The following DNAAF4 variants were observed in gnomAD, a reference collection of about 807,000 sequenced individuals.
The protein encoded by DNAAF4 is dynein assembly factor 4, axonemal.
Under a neutral mutation model 51.8 loss-of-function variants are expected in DNAAF4, and 43 were observed. The observed-to-expected ratio is 0.83, with a 90% CI of 0.65 to 1.07. DNAAF4 has a LOEUF of 1.07. Among genes scored for constraint, DNAAF4 ranks in the 50% least tolerant of loss-of-function variants. The pLI, the probability that DNAAF4 is intolerant of heterozygous loss-of-function variation, is 0.00. For missense variants in DNAAF4, 581 were observed against 493.0 expected (o/e 1.18, Z -1.69); for synonymous variants, 194 against 165.6 (o/e 1.17, Z -1.32).
chr15:55,486,289 G>T (rs1010337926), intron 4 of DNAAF4, among the ~76,000 whole-genome samples: 1 of 151,502 alleles, frequency 6.6e-6, no homozygotes, highest in Non-Finnish European at 1.5e-5. Flanking sequence ...CGCTTCCTGG[G>T]TTCCAGCCAT....
intron 1 of DNAAF4, among the ~76,000 whole-genome samples, chr15:55,506,821 T>A (rs1302181809): frequency 1.3e-5 from 2 of 152,104 alleles, no homozygotes; most frequent in Non-Finnish European, 2.9e-5. Flanking sequence ...CAAGAAATAA[T>A]GCTATTTTAT....
chr15:55,438,807 A>C (rs996745676), intron 7 of DNAAF4, among the ~76,000 whole-genome samples: 2 of 152,028 alleles, frequency 1.3e-5, no homozygotes, highest in African/African-American at 2.4e-5. Flanking sequence ...AAGAAAAAAA[A>C]TGGATAAGAA....
At chr15:55,439,608 G>T in intron 6 of DNAAF4, 27 bp from the exon 7 acceptor site, 2 of 1,569,904 alleles carry the variant, frequency 1.3e-6, no homozygotes, top group Non-Finnish European at 8.7e-7. Flanking sequence ...GTCTTATGAA[G>T]AATAAAAAGG....
At chr15:55,494,194 T>C (rs2141594419) in intron 3 of DNAAF4, among the ~76,000 whole-genome samples, 1 of 151,968 alleles carries the variant, frequency 6.6e-6, no homozygotes, top group East Asian at 1.9e-4. Flanking sequence ...CATGCCCGGC[T>C]AATTTTGTAT....
At chr15:55,434,622 C>T (rs1282471809) in intron 8 of DNAAF4, among the ~76,000 whole-genome samples, 5 of 151,978 alleles carry the variant, frequency 3.3e-5, no homozygotes, top group African/African-American at 1.2e-4. Context: ...AGCTTGAGCC[C>T]AGGAGTTCGA....
At chr15:55,439,216 G>A (rs1230031510) in intron 7 of DNAAF4, among the ~76,000 whole-genome samples, 2 of 152,098 alleles carry the variant, frequency 1.3e-5, no homozygotes, top group African/African-American at 2.4e-5. Flanking sequence ...TCCTCCCGCC[G>A]CAGCCTTCTG....
At chr15:55,503,424 A>G (rs1462422426) in intron 1 of DNAAF4, among the ~76,000 whole-genome samples, 1 of 152,216 alleles carries the variant, frequency 6.6e-6, no homozygotes, top group East Asian at 1.9e-4. Context: ...AACTCATTTT[A>G]TGAGCCAGCA....
chr15:55,500,367 A>T (rs982062834), intron 1 of DNAAF4, among the ~76,000 whole-genome samples: 4 of 142,248 alleles, frequency 2.8e-5, no homozygotes, highest in East Asian at 3.9e-4. Flanking sequence ...GGACTTTTTT[A>T]AAAAAATTTC....
chr15:55,423,093 C>T (rs758587153), intron 7 of DNAAF4, among the ~76,000 whole-genome samples: 1 of 151,234 alleles, frequency 6.6e-6, no homozygotes, highest in Non-Finnish European at 1.5e-5. Context: ...AACAGAAAAA[C>T]TCAAAACTAA....
intron 4 of DNAAF4, among the ~76,000 whole-genome samples, chr15:55,476,164 C>T (rs932050204): frequency 2.0e-5 from 3 of 152,106 alleles, no homozygotes; most frequent in African/African-American, 4.8e-5. Context: ...ATAAGATACA[C>T]TTTTTTAAAA....
Position 55,450,374 on chromosome 15 carries a change from A to G in DNAAF4, c.638-7T>C. 1.2e-6 allele frequency: 2 copies of G among 1,607,508 alleles called. No individual in the cohort carries two copies. Among genetic ancestry groups the G allele is most frequent in the Non-Finnish European group, 1.7e-6 (2 of 1,178,058 alleles). The stretch of plus-strand genomic sequence containing the variant: ...ATATTTTCTGAATTTCTCCCTTCAA[A>G]AACAATGGTAGCAAACAAGTCACTT... On this transcript the variant is annotated splice_region_variant and splice_polypyrimidine_tract_variant and intron_variant, in intron 5 of 9. Coordinates refer to ENST00000321149, the MANE Select transcript of DNAAF4 (RefSeq NM_130810.4).
intron 5 of DNAAF4, among the ~76,000 whole-genome samples, chr15:55,466,006 G>A (rs1199591322): frequency 2.0e-5 from 3 of 152,158 alleles, no homozygotes; most frequent in African/African-American, 7.2e-5. Context: ...CTGCTTGGTT[G>A]ATGGGTCCAC....
intron 1 of DNAAF4, among the ~76,000 whole-genome samples, chr15:55,506,566 G>C (rs2058728390): frequency 6.6e-6 from 1 of 152,104 alleles, no homozygotes; most frequent in African/African-American, 2.4e-5. Context: ...TGGGTTTCAG[G>C]GGTGGGTGGG....
Position 55,498,266 on chromosome 15 carries a change from G to T in DNAAF4, c.64C>A (p.Pro22Thr), listed in dbSNP as rs766403373. 4 of 1,613,696 alleles carry T rather than the reference G, an allele frequency of 2.5e-6. No homozygotes were observed. The highest frequency in any genetic ancestry group is 3.4e-6 in the Non-Finnish European group (4 of 1,179,818). ...QTKTAVFLSL[P>T]LKGVCVRDTD... ...TCTCTGACGCACACGCCTTTGAGGG[G>T]CAGAGACAGAAAGACCGCAGTCTTC... Residue 22 changes from proline (P) to threonine (T), a missense_variant, in exon 2 of 10, where the codon CCC (proline) becomes ACC (threonine). Transcript: ENST00000321149.
At chr15:55,480,332 T>A (rs954344772) in intron 4 of DNAAF4, among the ~76,000 whole-genome samples, 4 of 151,880 alleles carry the variant, frequency 2.6e-5, no homozygotes, top group African/African-American at 9.7e-5. Flanking sequence ...GGGGGTGGGA[T>A]CCCCCGATAC....
At chr15:55,499,394 C>A (rs1414361438) in intron 1 of DNAAF4, among the ~76,000 whole-genome samples, 2 of 152,158 alleles carry the variant, frequency 1.3e-5, no homozygotes, top group Admixed American at 6.5e-5. Flanking sequence ...TATAAACGAA[C>A]CTGACTGGGA....
chr15:55,449,239 C>G (rs2057892789), intron 6 of DNAAF4, among the ~76,000 whole-genome samples: 2 of 151,180 alleles, frequency 1.3e-5, no homozygotes, highest in African/African-American at 4.9e-5. Context: ...ATCCACCCAC[C>G]TCGGCCTCCC....
intron 7 of DNAAF4, among the ~76,000 whole-genome samples, chr15:55,420,733 CT>C (rs2057381642): frequency 6.6e-6 from 1 of 152,210 alleles, no homozygotes; most frequent in African/African-American, 2.4e-5. Context: ...GTTTATTAGC[CT>C]GTTCTTGCAG....
At chr15:55,504,741 C>T (rs528877445) in intron 1 of DNAAF4, among the ~76,000 whole-genome samples, 2 of 152,244 alleles carry the variant, frequency 1.3e-5, no homozygotes, top group East Asian at 3.9e-4. Context: ...AAACTGGATC[C>T]CTTCCTTACA....
Sources: gnomAD v4.1 joint callset for allele counts (sites outside exome capture counted in the v4.1 genomes callset) on GRCh38, gnomAD v4.1.1 for gene constraint, MANE v1.5 for transcripts, NCBI Gene and HGNC (gene_info 2026-07-23, HGNC 2026-07-21) for gene names.